The following FAP variants were observed in gnomAD, a reference collection of about 807,000 sequenced individuals.
The protein encoded by FAP is fibroblast activation protein alpha.
A neutral mutation model predicts 126.5 loss-of-function variants in FAP; 110 were observed. The ratio of observed to expected loss-of-function variants is 0.87; its 90% CI spans 0.74 to 1.02. The LOEUF is 1.02. FAP is among the 50% of genes least tolerant of loss of function. The probability of loss-of-function intolerance (pLI) is 0.00; values close to 1 mark genes in which losing one functional copy is unlikely to be tolerated. For missense variants in FAP, 919 were observed against 909.2 expected, an observed-to-expected ratio of 1.01 and a Z score of -0.14; for synonymous variants, 334 against 297.3, an observed-to-expected ratio of 1.12 and a Z score of -1.27.
At chr2:162,186,571 G>C (rs1373859641) in intron 20 of FAP, among the ~76,000 whole-genome samples, 1 of 151,964 alleles carries the variant, frequency 6.6e-6, no homozygotes, top group Non-Finnish European at 1.5e-5. Flanking sequence ...GTTACTGGTG[G>C]GTTGCGATGA....
Position 162,173,777 on chromosome 2 carries a change from G to A in FAP, c.1980C>T (p.Tyr660=), listed in dbSNP as rs1687393656. The A allele has an allele frequency of 6.3e-7, 1 of 1,597,140 alleles. No individual in the cohort carries two copies. The highest frequency in any genetic ancestry group is 8.6e-7 in the Non-Finnish European group (1 of 1,164,942). ...TTGGGAGACCCATGAATCTCTCTGT[G>A]TAGACAGACGCTATAAAATATATGA... is the stretch of plus-strand genomic sequence containing the variant. ...VSSWEYYASV[Y]TERFMGLPTK... Residue 660 remains tyrosine (Y), a synonymous_variant, in exon 23 of 26, where the codon TAC becomes TAT. Transcript: ENST00000188790.
chr2:162,235,951 T>C (rs1690112782), intron 2 of FAP, among the ~76,000 whole-genome samples: 1 of 152,192 alleles, frequency 6.6e-6, no homozygotes, highest in East Asian at 1.9e-4. Flanking sequence ...TGGTTTTTTT[T>C]TGTAGGTGTC....
At chr2:162,221,759 C>A (rs1270414364) in intron 6 of FAP, 2 of 456,562 alleles carry the variant, frequency 4.4e-6, no homozygotes, top group Admixed American at 4.7e-5. Context: ...AGGGAGGATG[C>A]TTTACAAAGG....
chr2:162,198,250 T>C (rs1040121046), intron 16 of FAP: 2 of 1,289,798 alleles, frequency 1.6e-6, no homozygotes, highest in Admixed American at 2.3e-5. Context: ...TGAGGAATGA[T>C]TGACCTCCGA....
intron 12 of FAP, among the ~76,000 whole-genome samples, chr2:162,208,494 T>C (rs959220159): frequency 6.6e-6 from 1 of 152,254 alleles, no homozygotes; most frequent in Non-Finnish European, 1.5e-5. Flanking sequence ...GGGTTGTTGG[T>C]ATCATTGTTG....
rs13426226 is a variant in FAP, at chr2:162,200,702, T to C, written c.1224-83A>G. 9.1e-4 allele frequency: 565 copies of C among 619,616 alleles called. 3 individuals carry two copies. In the African/African-American group the frequency reaches 0.01, roughly 11 times the overall value. The allele number at this position is 619,616 out of a possible 1,614,324, so 38.4% of individuals were successfully genotyped here. A position where few individuals can be genotyped will look rare whatever the true frequency, so the allele number is the denominator to read the frequency against. ...AGTATTAATACTAATATAGTATCAA[T>C]ATAGGTAAGCATTTATCTAATGAAA... On this transcript the variant is annotated intron_variant, in intron 14 of 25. Transcript: ENST00000188790.
chr2:162,198,171 T>C, intron 16 of FAP: 5 of 1,286,820 alleles, frequency 3.9e-6, no homozygotes, highest in Non-Finnish European at 5.1e-6. Flanking sequence ...ATTTGATGCA[T>C]TACTTACGAT....
intron 14 of FAP, among the ~76,000 whole-genome samples, chr2:162,201,329 C>T (rs993256788): frequency 6.6e-6 from 1 of 152,118 alleles, no homozygotes; most frequent in Non-Finnish European, 1.5e-5. Context: ...CTCACTATGT[C>T]CCAGGTATCA....
At position 162,202,864 on chromosome 2, in the gene FAP, A is replaced by G; in HGVS notation, c.1223+8T>C. 6.2e-7 allele frequency: 1 copy of G among 1,610,300 alleles called. No individual in the cohort carries two copies. The highest frequency in any genetic ancestry group is 8.5e-7 in the Non-Finnish European group (1 of 1,176,584). On this transcript the variant is annotated splice_region_variant and intron_variant, in intron 14 of 25. Transcript: ENST00000188790. Reference sequence around the variant, plus strand: ...TGAATGGTGCATCGTGCTTCGTGCAATACTTACAGTGAATCCTGTGTTACT... The same window carrying G: ...TGAATGGTGCATCGTGCTTCGTGCAGTACTTACAGTGAATCCTGTGTTACT...
chr2:162,211,074 T>C (rs934504986), intron 11 of FAP, among the ~76,000 whole-genome samples: 1 of 152,192 alleles, frequency 6.6e-6, no homozygotes, highest in African/African-American at 2.4e-5. Flanking sequence ...CAGTTGACCG[T>C]GGTTATTTGA....
intron 7 of FAP, 113 bp downstream of exon 7, chr2:162,219,740 T>C (rs992624318): frequency 5.4e-6 from 4 of 747,178 alleles, no homozygotes; most frequent in Non-Finnish European, 9.3e-6. Flanking sequence ...ACCACTAAAA[T>C]AGTCATGAAT....
In FAP at chr2:162,224,472, A is replaced by G. The variant is rs16846391; in HGVS notation, c.354T>C (p.Tyr118=). 0.024 allele frequency: 38,288 copies of G among 1,578,074 alleles called. 3,014 individuals carry two copies. In the Admixed American group the frequency reaches 0.28, roughly 12 times the overall value. ...CAAATTAAATAGTTGATACCTTTGA[A>G]TAATCACTTTCTAGATATACAAATT... ...DRQFVYLESD[Y]SKLWRYSYTA... Residue 118 remains tyrosine, a synonymous_variant, in exon 5 of 26, where the codon TAT becomes TAC. Transcript: ENST00000188790.
intron 21 of FAP, among the ~76,000 whole-genome samples, chr2:162,181,658 G>A (rs1027598828): frequency 1.3e-5 from 2 of 152,160 alleles, no homozygotes; most frequent in African/African-American, 2.4e-5. Flanking sequence ...ACTCCACAGC[G>A]AGTTGCATCT....
Position 162,194,691 on chromosome 2 carries a change from G to C in FAP, c.1450+10C>G. On this transcript the variant is annotated intron_variant, in intron 17 of 25. Coordinates refer to ENST00000188790, the MANE Select transcript of FAP (RefSeq NM_004460.5). ...TTGAGACAAGATAGATAACATGCAA[G>C]AGAGAGTACCTTGATCAGTGCGTCC... 2 of 1,612,914 alleles carry C rather than the reference G, an allele frequency of 1.2e-6. No individual in the cohort carries two copies. Among genetic ancestry groups the C allele is most frequent in the Non-Finnish European group, 1.7e-6 (2 of 1,179,034 alleles).
At chr2:162,189,345 G>C (rs1430651902) in intron 18 of FAP, among the ~76,000 whole-genome samples, 173 bp from the exon 19 acceptor site, 1 of 151,850 alleles carries the variant, frequency 6.6e-6, no homozygotes, top group African/African-American at 2.4e-5. Flanking sequence ...ATGTATAAAT[G>C]ACTAGAAACC....
chr2:162,218,167 C>G (rs1689230584), intron 8 of FAP, 27 bp from the exon 9 acceptor site: 1 of 1,454,498 alleles, frequency 6.9e-7, no homozygotes, highest in Admixed American at 2.1e-5. Flanking sequence ...AGGATATTAA[C>G]TATAATTACA....
At chr2:162,173,287 T>C (rs958446579) in intron 23 of FAP, 66 bp from the exon 24 acceptor site, 14 of 1,151,430 alleles carry the variant, frequency 1.2e-5, no homozygotes, top group Admixed American at 1.7e-5. Context: ...AGCTAAATCA[T>C]TGTGCAATGG....
intron 16 of FAP, chr2:162,198,160 T>C (rs2106240021): frequency 7.8e-7 from 1 of 1,283,350 alleles, no homozygotes; most frequent in Admixed American, 2.4e-5. Flanking sequence ...TGGTTTGTTA[T>C]ATTTGATGCA....
chr2:162,198,619 T>G, intron 16 of FAP, 138 bp downstream of exon 16: 1 of 1,133,578 alleles, frequency 8.8e-7, no homozygotes, highest in South Asian at 1.6e-5. Context: ...CTTTAATTTT[T>G]TTTCTATAAG....
Sources: allele counts gnomAD v4.1 joint callset (sites outside exome capture counted in the v4.1 genomes callset), GRCh38; gene constraint gnomAD v4.1.1; transcripts MANE v1.5; gene names NCBI Gene and HGNC (gene_info 2026-07-23, HGNC 2026-07-21).